Variants in RBM4 observed in about 807,000 individuals in gnomAD.
RBM4 encodes the protein RNA-binding protein 4.
RBM4 carries 7 observed loss-of-function variants against 29.5 expected under a neutral mutation model. The observed-to-expected ratio is 0.24, with a 90% confidence interval of 0.14 to 0.45. RBM4 has a LOEUF of 0.45. Ranked by LOEUF, RBM4 falls within the 20% of genes least tolerant of loss-of-function variation. The pLI is 1.00. For missense variants in RBM4, 387 were observed against 502.3 expected, an observed-to-expected ratio of 0.77 and a Z score of 2.19; for synonymous variants, 220 against 205.4, an observed-to-expected ratio of 1.07 and a Z score of -0.61.
chr11:66,664,171 GTTT>G (rs767344100), intron 2 of RBM4, among the ~76,000 whole-genome samples: 5 of 113,544 alleles, frequency 4.4e-5, no homozygotes, highest in Admixed American at 9.3e-5. Context: ...ATGCCCAGCT[GTTT>G]TTTTTTTTTT....
intron 2 of RBM4, among the ~76,000 whole-genome samples, chr11:66,664,191 T>TTTG (rs1450172633): frequency 6.7e-6 from 1 of 149,716 alleles, no homozygotes; most frequent in Admixed American, 6.7e-5. Flanking sequence ...TTTTTTTTTT[T>TTTG]TGAGATGGGA....
intron 2 of RBM4, chr11:66,665,717 C>A: frequency 7.1e-7 from 1 of 1,416,606 alleles, no homozygotes; most frequent in Non-Finnish European, 9.5e-7. Flanking sequence ...CTGGATCTAA[C>A]TCATATCCCA....
intron 2 of RBM4, among the ~76,000 whole-genome samples, chr11:66,641,990 A>G (rs958682945): frequency 1.3e-5 from 2 of 152,186 alleles, no homozygotes; most frequent in Non-Finnish European, 2.9e-5. Context: ...GCTTAGTTGC[A>G]CTTGTTTTCT....
rs1454059347 is a variant in RBM4, at chr11:66,664,441, C to T, written c.413-1415C>T. On this transcript the variant is annotated intron_variant, in intron 2 of 2. Coordinates refer to the RBM4 transcript ENST00000396053. The stretch of plus-strand genomic sequence containing the variant: ...CTGAGATTACAGGCGTGAGCTATCG[C>T]GCCTGGCCAACTAATTTTGTTGTTT... Among the ~76,000 whole-genome samples, 8 of 151,892 alleles carry T rather than the reference C, an allele frequency of 5.3e-5. No homozygotes were observed. In the East Asian group the frequency reaches 7.7e-4, roughly 15 times the overall value.
In RBM4 at chr11:66,644,103, G is replaced by A; in HGVS notation, c.1066G>A (p.Ala356Thr). ...DMARYEREQY[A>T]DRARYSAF ...GGCCCGGTATGAGCGGGAGCAGTAT[G>A]CCGATCGGGCGCGGTACTCAGCCTT... The change falls in exon 3 of 4, where the codon GCC (alanine) becomes ACC (threonine). Residue 356 changes from alanine to threonine, a missense_variant. Around this residue, in one of 2 missense-constraint regions of RBM4, gnomAD observed 281 missense variants for 288.7 expected, o/e 0.97. Coordinates refer to ENST00000310092, the MANE Select transcript of RBM4 (RefSeq NM_002896.4). 1 of 1,614,018 alleles carries A rather than the reference G, an allele frequency of 6.2e-7. No homozygotes were observed. Among genetic ancestry groups the A allele is most frequent in the Non-Finnish European group, 8.5e-7 (1 of 1,179,982 alleles).
chr11:66,665,717 C>T (rs1345293215), intron 2 of RBM4: 3 of 1,416,488 alleles, frequency 2.1e-6, no homozygotes, highest in Non-Finnish European at 2.8e-6. Context: ...CTGGATCTAA[C>T]TCATATCCCA....
chr11:66,643,336 G>T lies in RBM4; in HGVS notation c.413-114G>T. On this transcript the variant is annotated intron_variant, in intron 2 of 3. Transcript: ENST00000310092. The surrounding 1 kb of genome is among the most constrained non-coding windows in gnomAD (Gnocchi z 6.1). Reference sequence around the variant, plus strand: ...TTCCTTTTTATCTTTTCCTAAAGATGAGTCCTGCATTAGAATTGTCTAGAT... The same window carrying T: ...TTCCTTTTTATCTTTTCCTAAAGATTAGTCCTGCATTAGAATTGTCTAGAT... 6.8e-5 allele frequency: 79 copies of T among 1,156,162 alleles called. No homozygotes were observed. Among genetic ancestry groups the T allele is most frequent in the Non-Finnish European group, 8.6e-5 (73 of 849,610 alleles). The allele number at this position is 1,156,162 out of a possible 1,614,324, so 71.6% of individuals were successfully genotyped here.
Position 66,643,672 on chromosome 11 carries a change from A to C in RBM4, c.635A>C (p.Asn212Thr), listed in dbSNP as rs547712042. 1 of 1,614,178 alleles carries C rather than the reference A, an allele frequency of 6.2e-7. No individual in the cohort carries two copies. The highest frequency in any genetic ancestry group is 1.7e-5 in the Admixed American group (1 of 60,022). ...AGCTATGGGGATTCATTGTATTACAACAACGCGTACGGAGCGCTCGATGCC... is the reference window on the plus strand; with the variant it reads ...AGCTATGGGGATTCATTGTATTACACCAACGCGTACGGAGCGCTCGATGCC... ...TMSYGDSLYY[N>T]NAYGALDAYY... Residue 212 changes from asparagine to threonine, a missense_variant, in exon 3 of 4, where the codon AAC becomes ACC. By Grantham distance (65) the Asn-to-Thr change is moderately conservative. Coordinates refer to ENST00000310092, the MANE Select transcript of RBM4 (RefSeq NM_002896.4). This position sits in a 1 kb window ranked among gnomAD's most constrained non-coding sequence, Gnocchi z 6.1.
At chr11:66,666,822 A>G (rs1039312240) in exon 3 of RBM4, 8 of 152,334 alleles carry the variant, frequency 5.3e-5, no homozygotes, top group African/African-American at 1.9e-4. Flanking sequence ...TCTTGCTGAC[A>G]TGCATATAGG....
In RBM4 at chr11:66,657,100, TTTTTAGTC is replaced by T. The variant is rs1158245901; in HGVS notation, c.413-8751_413-8744del. 2.7e-5 allele frequency among the ~76,000 whole-genome samples: 4 copies of T among 150,512 alleles called. No homozygotes were observed. The Admixed American group carries it at 2.7e-4, about 10-fold the overall frequency. ...AGTTAATCCTCAGCCCCTGATCAAT[TTTTTAGTC>T]TTTTTTTTTTTTTTTTTTTTTTTTT... On this transcript the variant is annotated intron_variant, in intron 2 of 2. Coordinates refer to the RBM4 transcript ENST00000396053.
intron 2 of RBM4, among the ~76,000 whole-genome samples, chr11:66,658,337 C>CTTTTTTTTTTTTTTTTTTTT (rs35133059): frequency 4.0e-5 from 2 of 50,456 alleles, no homozygotes; most frequent in Non-Finnish European, 6.7e-5. Flanking sequence ...CTAGTCTGAC[C>CTTTTTTTTTTTTTTTTTTTT]TTTTTTTTTT....
At chr11:66,648,528 CTT>C (rs1402981080), downstream of RBM4, among the ~76,000 whole-genome samples, 3 of 151,784 alleles carry the variant, frequency 2.0e-5, no homozygotes, top group Middle Eastern at 3.4e-3. Context: ...GTCTCAAAAA[CTT>C]TTTGCCAGGC....
At chr11:66,641,472 A>AT (rs1414451864) in intron 2 of RBM4, among the ~76,000 whole-genome samples, 1 of 152,136 alleles carries the variant, frequency 6.6e-6, no homozygotes, top group African/African-American at 2.4e-5. Flanking sequence ...GTTGAGAATT[A>AT]TTTTGTCAAC....
chr11:66,664,753 C>G (rs1257871499), intron 2 of RBM4, among the ~76,000 whole-genome samples: 1 of 152,234 alleles, frequency 6.6e-6, no homozygotes, highest in African/African-American at 2.4e-5. Flanking sequence ...TCACGCCCAG[C>G]TGGCCAACTG....
In RBM4 at chr11:66,646,168, C is replaced by G. The variant is rs1938684020; in HGVS notation, c.*150C>G. 6.6e-7 allele frequency: 1 copy of G among 1,513,542 alleles called. No individual in the cohort carries two copies. The highest frequency in any genetic ancestry group is 8.8e-7 in the Non-Finnish European group (1 of 1,133,424). 93.8% of individuals were successfully genotyped at this position (1,513,542 alleles called of 1,614,324 possible). ...GGACCTTAATTTACCTTGCTAAGTT[C>G]AGACCTTCTCTTCCTTTCCTTTCCT... On this transcript the variant is annotated 3_prime_UTR_variant, in exon 4 of 4. Transcript: ENST00000310092.
rs1050974816 is a variant in RBM4, at chr11:66,665,782, T to A, written c.413-74T>A. On this transcript the variant is annotated intron_variant, in intron 2 of 2. Coordinates refer to the RBM4 transcript ENST00000396053. ...ATATATAGGAATCCACTTATGGCTA[T>A]ATATATAGGACAAGATGCAATCTAG... 2.9e-6 allele frequency: 4 copies of A among 1,366,268 alleles called. No individual in the cohort carries two copies. The African/African-American group carries it at 5.8e-5, about 20-fold the overall frequency. The allele number at this position is 1,366,268 out of a possible 1,614,324, so 84.6% of individuals were successfully genotyped here.
chr11:66,648,732 G>T (rs1026285795), downstream of RBM4, among the ~76,000 whole-genome samples: 1 of 151,834 alleles, frequency 6.6e-6, no homozygotes, highest in Admixed American at 6.6e-5. Context: ...AGAATCCTTG[G>T]AACCCGGGAG....
chr11:66,644,126 C>T lies in RBM4; in HGVS notation c.1089C>T (p.Ala363=), dbSNP rs1938587678. 1 of 1,611,682 alleles carries T rather than the reference C, an allele frequency of 6.2e-7. No individual in the cohort carries two copies. ...ATGCCGATCGGGCGCGGTACTCAGCCTTTTAAAGCTTGAGGTGAGAGGGGT... is the reference window on the plus strand; with the variant it reads ...ATGCCGATCGGGCGCGGTACTCAGCTTTTTAAAGCTTGAGGTGAGAGGGGT... ...EQYADRARYS[A]F is the part of the protein sequence containing the mutation. The change falls in exon 3 of 4, where the codon GCC becomes GCT. Residue 363 remains alanine, a synonymous_variant. Transcript: ENST00000310092.
exon 3 of RBM4, chr11:66,666,547 C>A: frequency 1.9e-6 from 1 of 521,514 alleles, no homozygotes; most frequent in Non-Finnish European, 2.5e-6. Flanking sequence ...AGTTGAACAA[C>A]CACTGCTTGC....
Sources: allele counts gnomAD v4.1 joint callset (sites outside exome capture counted in the v4.1 genomes callset), GRCh38; gene constraint gnomAD v4.1.1; regional missense constraint gnomAD v4.1.1; non-coding constraint Gnocchi (gnomAD v3.1); transcripts MANE v1.5; gene names NCBI Gene and HGNC (gene_info 2026-07-23, HGNC 2026-07-21).